The following THSD7B variants were observed in gnomAD, a reference collection of about 807,000 sequenced individuals.
The protein encoded by THSD7B is thrombospondin type 1 domain containing 7B.
A neutral mutation model predicts 213.6 loss-of-function variants in THSD7B; 138 were observed. The ratio of observed to expected loss-of-function variants is 0.65; its 90% confidence interval spans 0.56 to 0.74. The LOEUF (loss-of-function observed/expected upper bound fraction) is 0.74. Ranked by LOEUF, THSD7B falls within the 30% of genes least tolerant of loss-of-function variation. The pLI is 0.00. For synonymous variants in THSD7B, 742 were observed against 687.0 expected (o/e 1.08, Z -1.25); for missense variants, 1,931 against 1,991.5 (o/e 0.97, Z 0.58).
chr2:137,609,687 G>A (rs985446864), intron 17 of THSD7B, among the ~76,000 whole-genome samples: 3 of 152,200 alleles, frequency 2.0e-5, no homozygotes, highest in Non-Finnish European at 2.9e-5. Flanking sequence ...CACTAAGTCG[G>A]GAAGTCATTT....
At chr2:137,180,667 G>A (rs1680437058) in intron 7 of THSD7B, among the ~76,000 whole-genome samples, 1 of 152,280 alleles carries the variant, frequency 6.6e-6, no homozygotes, top group East Asian at 1.9e-4. Flanking sequence ...GATGTTGATA[G>A]TTTAAAGTCA....
intron 10 of THSD7B, among the ~76,000 whole-genome samples, chr2:137,258,468 C>G (rs1682359799): frequency 6.6e-6 from 1 of 152,078 alleles, no homozygotes; most frequent in South Asian, 2.1e-4. Context: ...AATACCAGCT[C>G]TGCCTTGACC....
intron 15 of THSD7B, chr2:137,452,054 C>T (rs1367431471): frequency 1.0e-6 from 1 of 953,672 alleles, no homozygotes; most frequent in South Asian, 4.9e-5. Context: ...ACTTGAATAT[C>T]ATGTATCAAT....
At chr2:136,810,424 C>G (rs1682355591) in intron 1 of THSD7B, among the ~76,000 whole-genome samples, 1 of 152,224 alleles carries the variant, frequency 6.6e-6, no homozygotes, top group East Asian at 1.9e-4. Context: ...TCATAGCTCT[C>G]TATGCCAGTC....
chr2:137,322,850 A>G (rs181644569), intron 12 of THSD7B, among the ~76,000 whole-genome samples: 396 of 152,342 alleles, frequency 2.6e-3, no homozygotes, highest in Admixed American at 4.0e-3. Context: ...GTTTCCTGAT[A>G]GGTACAGAAA....
chr2:136,793,056 C>T (rs1170033763), intron 1 of THSD7B, among the ~76,000 whole-genome samples: 1 of 151,926 alleles, frequency 6.6e-6, no homozygotes, highest in Non-Finnish European at 1.5e-5. Context: ...TTTGGCTACA[C>T]GTCTTTCTGT....
chr2:136,889,740 A>AT (rs1003867421), intron 2 of THSD7B, among the ~76,000 whole-genome samples: 1 of 151,882 alleles, frequency 6.6e-6, no homozygotes, highest in African/African-American at 2.4e-5. Flanking sequence ...GCTCTATTAT[A>AT]TTTTTTTCTT....
Position 137,310,852 on chromosome 2 carries a change from C to T in THSD7B, c.2500+34826C>T, listed in dbSNP as rs1469064380. On this transcript the variant is annotated intron_variant, in intron 12 of 27. Coordinates refer to ENST00000409968, the MANE Select transcript of THSD7B (RefSeq NM_001316349.2). ...TTATTTCTGAGGGCTCTGTTCCCTT[C>T]CATTGATCTATATCTCTGTTTTGGT... is the stretch of plus-strand genomic sequence containing the variant. Among the ~76,000 whole-genome samples, 11 of 152,212 alleles carry T rather than the reference C, an allele frequency of 7.2e-5. No homozygotes were observed. In the East Asian group the frequency reaches 1.5e-3, roughly 21 times the overall value.
intron 2 of THSD7B, among the ~76,000 whole-genome samples, chr2:137,003,452 C>G (rs1686039852): frequency 6.6e-6 from 1 of 152,086 alleles, no homozygotes; most frequent in Non-Finnish European, 1.5e-5. Flanking sequence ...AAGAATTGCT[C>G]AAATATTTGA....
chr2:137,169,520 G>C (rs1339959232), intron 6 of THSD7B, among the ~76,000 whole-genome samples: 1 of 152,038 alleles, frequency 6.6e-6, no homozygotes, highest in African/African-American at 2.4e-5. Context: ...GGTGGGATAT[G>C]CAGCTTTCAC....
chr2:137,480,257 A>G (rs913997433), intron 15 of THSD7B, among the ~76,000 whole-genome samples: 2 of 151,954 alleles, frequency 1.3e-5, no homozygotes, highest in South Asian at 2.1e-4. Flanking sequence ...CTTATAGAAA[A>G]TCTCCTTTAT....
chr2:137,400,961 C>A (rs191691072), intron 12 of THSD7B, among the ~76,000 whole-genome samples: 6 of 152,118 alleles, frequency 3.9e-5, no homozygotes, highest in African/African-American at 1.4e-4. Flanking sequence ...AGTCCTCAGA[C>A]CCCCGGTTGA....
rs1043031356 is a variant in THSD7B, at chr2:137,487,111, G to A, written c.3138+36088G>A. Among the ~76,000 whole-genome samples the A allele has an allele frequency of 3.3e-5, 5 of 150,472 alleles. 1 individual carries two copies. Among genetic ancestry groups the A allele is most frequent in the African/African-American group, 1.3e-4 (5 of 39,928 alleles). On this transcript the variant is annotated intron_variant, in intron 15 of 27. Transcript: ENST00000409968. ...AGGCCGGGCGCGGTGGCTCACGCCT[G>A]TAATCCCAGCACTTTGGGAGGCCGA...
rs1253174330 is a variant in THSD7B at position 136,892,858 on chromosome 2, CT to C, written c.139+10542del. Among the ~76,000 whole-genome samples the C allele has an allele frequency of 1.3e-5, 2 of 152,158 alleles. 1 individual carries two copies. Among genetic ancestry groups the C allele is most frequent in the Middle Eastern group, 6.3e-3 (2 of 316 alleles). On this transcript the variant is annotated intron_variant, in intron 2 of 27. Coordinates refer to ENST00000409968, the MANE Select transcript of THSD7B (RefSeq NM_001316349.2). ...CTTTTTGTTGTTGGTTCATACTCTT[CT>C]GTAGGCCCCTAATATTCAGCTTCTT...
At chr2:137,638,920 GC>G (rs1036316252) in intron 20 of THSD7B, among the ~76,000 whole-genome samples, 33 of 152,262 alleles carry the variant, frequency 2.2e-4, no homozygotes, top group African/African-American at 7.2e-4. Context: ...TGACTTGGGT[GC>G]TGTTAAAAGC....
intron 12 of THSD7B, among the ~76,000 whole-genome samples, chr2:137,278,000 TTTAGAC>T (rs1054408581): frequency 1.3e-5 from 2 of 152,020 alleles, no homozygotes; most frequent in African/African-American, 4.8e-5. Flanking sequence ...ACAGAGAGGT[TTTAGAC>T]TCTGGACAAT....
intron 15 of THSD7B, among the ~76,000 whole-genome samples, chr2:137,494,380 T>C (rs923318158): frequency 2.6e-5 from 4 of 152,114 alleles, no homozygotes; most frequent in Admixed American, 2.0e-4. Context: ...AAAAATAAAT[T>C]AGCATTTATT....
intron 14 of THSD7B, among the ~76,000 whole-genome samples, chr2:137,423,239 G>T (rs903303256): frequency 6.6e-6 from 1 of 152,066 alleles, no homozygotes; most frequent in African/African-American, 2.4e-5. Context: ...GAAAAAACAA[G>T]AATGTCTATT....
rs16838319 is a variant in THSD7B at position 137,167,064 on chromosome 2, T to G, written c.1526-3677T>G. 2.6e-3 allele frequency among the ~76,000 whole-genome samples: 391 copies of G among 152,278 alleles called. 1 individual carries two copies. The highest frequency in any genetic ancestry group is 9.2e-3 in the African/African-American group (381 of 41,564). ...GAAGCTTCAATATGCTCAGATTCTT[T>G]CACTCAGAGTTGTTACCCAAAGTTC... On this transcript the variant is annotated intron_variant, in intron 6 of 27. Transcript: ENST00000409968.
Sources: allele counts gnomAD v4.1 joint callset (sites outside exome capture counted in the v4.1 genomes callset), GRCh38; gene constraint gnomAD v4.1.1; transcripts MANE v1.5; gene names NCBI Gene and HGNC (gene_info 2026-07-23, HGNC 2026-07-21).